GALNT17: variants seen among roughly 807,000 people sequenced by gnomAD.
GALNT17 encodes the protein UDP-GalNAc:polypeptide N-acetylgalactosaminyltransferase-like 3.
In GALNT17, 29 loss-of-function variants were observed where a neutral mutation model predicts 63.7. The ratio of observed to expected loss-of-function variants is 0.46; its 90% CI spans 0.34 to 0.62. The LOEUF (loss-of-function observed/expected upper bound fraction) is 0.62. Among genes scored for constraint, GALNT17 ranks in the 20% least tolerant of loss-of-function variants. The pLI is 0.01. For missense variants in GALNT17, 603 were observed against 799.6 expected (o/e 0.75, Z 2.97); for synonymous variants, 305 against 318.3 (o/e 0.96, Z 0.45).
At chr7:71,201,882 C>T (rs1412260257) in intron 1 of GALNT17, among the ~76,000 whole-genome samples, 1 of 152,218 alleles carries the variant, frequency 6.6e-6, no homozygotes, top group Non-Finnish European at 1.5e-5. Context: ...ATCCACCCGC[C>T]TCTGCCTCCC....
At chr7:71,598,587 T>G (rs570636123) in intron 6 of GALNT17, among the ~76,000 whole-genome samples, 1 of 152,328 alleles carries the variant, frequency 6.6e-6, no homozygotes, top group South Asian at 2.1e-4. Context: ...TAGAAAGACC[T>G]AGGAGATCCA....
chr7:71,459,139 T>G (rs1438484031), intron 5 of GALNT17, among the ~76,000 whole-genome samples: 2 of 152,176 alleles, frequency 1.3e-5, no homozygotes, highest in Admixed American at 1.3e-4. Flanking sequence ...TAACAGAGTC[T>G]AATTGTGCAA....
At chr7:71,701,877 A>G (rs867128552) in intron 9 of GALNT17, among the ~76,000 whole-genome samples, 3 of 80,854 alleles carry the variant, frequency 3.7e-5, no homozygotes, top group African/African-American at 8.9e-5. Context: ...ATACATATAT[A>G]TATGTATATA....
chr7:71,382,049 G>A (rs955945774), intron 2 of GALNT17, among the ~76,000 whole-genome samples: 2 of 152,048 alleles, frequency 1.3e-5, no homozygotes, highest in South Asian at 2.1e-4. Flanking sequence ...TGGACTGGAC[G>A]AACTTGAAAC....
chr7:71,226,524 C>T (rs965859683), intron 1 of GALNT17, among the ~76,000 whole-genome samples: 7 of 152,176 alleles, frequency 4.6e-5, no homozygotes, highest in African/African-American at 1.7e-4. Flanking sequence ...CCGAGTCTTG[C>T]TGTTTCACCC....
intron 6 of GALNT17, among the ~76,000 whole-genome samples, chr7:71,636,513 C>G (rs1225368789): frequency 1.3e-5 from 2 of 152,162 alleles, no homozygotes; most frequent in Non-Finnish European, 2.9e-5. Context: ...GAGTGACTTC[C>G]CACTGGGTGG....
intron 3 of GALNT17, among the ~76,000 whole-genome samples, chr7:71,413,841 C>T (rs1583931094): frequency 6.6e-6 from 1 of 151,958 alleles, no homozygotes; most frequent in African/African-American, 2.4e-5. Context: ...TTGGAGGTGG[C>T]ATCTACCTTG....
chr7:71,398,834 G>A (rs1171974621), intron 3 of GALNT17, among the ~76,000 whole-genome samples: 1 of 152,202 alleles, frequency 6.6e-6, no homozygotes, highest in South Asian at 2.1e-4. Context: ...TAAATTTCAT[G>A]TTATGTCCAT....
At chr7:71,703,474 G>C (rs1406331514) in intron 9 of GALNT17, among the ~76,000 whole-genome samples, 3 of 152,142 alleles carry the variant, frequency 2.0e-5, no homozygotes, top group African/African-American at 7.2e-5. Flanking sequence ...TCACCAAGGG[G>C]ATGGTGCTTA....
At chr7:71,297,637 T>C (rs979203097) in intron 1 of GALNT17, among the ~76,000 whole-genome samples, 3 of 152,104 alleles carry the variant, frequency 2.0e-5, no homozygotes, top group African/African-American at 7.2e-5. Context: ...TGGATTAGAA[T>C]GTTCATAGCA....
At chr7:71,649,862 A>G (rs1790731192) in intron 6 of GALNT17, among the ~76,000 whole-genome samples, 1 of 152,146 alleles carries the variant, frequency 6.6e-6, no homozygotes, top group South Asian at 2.1e-4. Context: ...TATGAGGGCA[A>G]TTTCAGCCTC....
chr7:71,372,471 ACTT>A (rs1009938273), intron 2 of GALNT17, among the ~76,000 whole-genome samples: 3 of 152,062 alleles, frequency 2.0e-5, no homozygotes, highest in African/African-American at 7.2e-5. Flanking sequence ...AGCATGTTTT[ACTT>A]CATTTTTAAG....
chr7:71,293,763 C>G (rs1476527059), intron 1 of GALNT17, among the ~76,000 whole-genome samples: 1 of 152,184 alleles, frequency 6.6e-6, no homozygotes, highest in Non-Finnish European at 1.5e-5. Flanking sequence ...TATATTACTT[C>G]ACTGTCCCCA....
chr7:71,705,972 G>A (rs897603533), intron 9 of GALNT17, among the ~76,000 whole-genome samples: 1 of 152,196 alleles, frequency 6.6e-6, no homozygotes, highest in Non-Finnish European at 1.5e-5. Flanking sequence ...ATACCCCAAA[G>A]GCTCCTGGTT....
At chr7:71,567,022 C>T (rs1405652075) in intron 5 of GALNT17, among the ~76,000 whole-genome samples, 2 of 152,170 alleles carry the variant, frequency 1.3e-5, no homozygotes, top group Non-Finnish European at 2.9e-5. Flanking sequence ...GTTCTAGCTC[C>T]CAGAGTTGTC....
intron 1 of GALNT17, among the ~76,000 whole-genome samples, chr7:71,164,362 CATTT>C (rs1409038382): frequency 6.6e-6 from 1 of 152,188 alleles, no homozygotes; most frequent in African/African-American, 2.4e-5. Context: ...AAGTGCCTGA[CATTT>C]ATCAGACAAC....
At chr7:71,344,156 A>T (rs10256773) in intron 2 of GALNT17, among the ~76,000 whole-genome samples, 7,899 of 152,002 alleles carry the variant, frequency 0.052, 663 homozygotes, top group African/African-American at 0.17. Context: ...TGGGAGGCAG[A>T]AGGTGACCTT....
At chr7:71,162,032 T>TTCCC (rs1190994796) in intron 1 of GALNT17, among the ~76,000 whole-genome samples, 1 of 138,462 alleles carries the variant, frequency 7.2e-6, no homozygotes, top group African/African-American at 2.8e-5. Flanking sequence ...TTCTTTCTCT[T>TTCCC]TCCCTCCCTC....
chr7:71,278,218 A>G (rs1790716312), intron 1 of GALNT17, among the ~76,000 whole-genome samples: 1 of 152,186 alleles, frequency 6.6e-6, no homozygotes, highest in Middle Eastern at 3.2e-3. Flanking sequence ...TTCTTTACAG[A>G]TGAGCAAATT....
Sources: allele counts gnomAD v4.1 joint callset (sites outside exome capture counted in the v4.1 genomes callset), GRCh38; gene constraint gnomAD v4.1.1; transcripts MANE v1.5; gene names NCBI Gene and HGNC (gene_info 2026-07-23, HGNC 2026-07-21).